Variants in DSCAM observed in about 807,000 individuals in gnomAD.
DSCAM encodes the protein DS cell adhesion molecule, also known as cell adhesion molecule DSCAM.
A neutral mutation model predicts 217.7 loss-of-function variants in DSCAM; 47 were observed. The observed-to-expected ratio is 0.22, with a 90% CI of 0.17 to 0.28. The LOEUF is 0.28. Among genes scored for constraint, DSCAM ranks in the 10% least tolerant of loss-of-function variants. DSCAM has a pLI of 1.00. For synonymous variants in DSCAM, 1,056 were observed against 1,015.3 expected (o/e 1.04, Z -0.76); for missense variants, 2,080 against 2,618.3 (o/e 0.79, Z 4.49).
At chr21:40,730,521 A>C (rs967282125) in intron 1 of DSCAM, among the ~76,000 whole-genome samples, 2 of 152,230 alleles carry the variant, frequency 1.3e-5, no homozygotes, top group African/African-American at 4.8e-5. Context: ...GATAAAAATC[A>C]AATCTTATCT....
chr21:40,376,376 G>C (rs2074950585), intron 3 of DSCAM, among the ~76,000 whole-genome samples: 1 of 149,034 alleles, frequency 6.7e-6, no homozygotes, highest in African/African-American at 2.5e-5. Flanking sequence ...AACTAAAATA[G>C]AAGTGGAAAT....
chr21:40,129,400 C>T lies in DSCAM; in HGVS notation c.3562+4454G>A, dbSNP rs112972698. Among the ~76,000 whole-genome samples, 630 of 152,286 alleles carry T rather than the reference C, an allele frequency of 4.1e-3. 1 individual carries two copies. The highest frequency in any genetic ancestry group is 6.6e-3 in the Non-Finnish European group (447 of 68,032). ...TCATTCTTTAAATGTTTGACTGATCCTTTAACCAAATCATCATGTGGAAAC... is the reference window on the plus strand; with the variant it reads ...TCATTCTTTAAATGTTTGACTGATCTTTTAACCAAATCATCATGTGGAAAC... On this transcript the variant is annotated intron_variant, in intron 19 of 32. Coordinates refer to ENST00000400454, the MANE Select transcript of DSCAM (RefSeq NM_001389.5).
chr21:40,498,679 A>G (rs2076140939), intron 3 of DSCAM, among the ~76,000 whole-genome samples: 1 of 8,798 alleles, frequency 1.1e-4, no homozygotes, highest in Non-Finnish European at 2.2e-4. Flanking sequence ...ATATATATAT[A>G]TATATATATA....
intron 32 of DSCAM, 125 bp downstream of exon 32, chr21:40,042,246 C>T: frequency 1.0e-6 from 1 of 971,598 alleles, no homozygotes; most frequent in Non-Finnish European, 1.5e-6. Flanking sequence ...GTTTGTTATG[C>T]AGCCATCCAT....
At chr21:40,371,103 A>T (rs1378666674) in intron 3 of DSCAM, among the ~76,000 whole-genome samples, 1 of 152,222 alleles carries the variant, frequency 6.6e-6, no homozygotes, top group African/African-American at 2.4e-5. Flanking sequence ...CTTTAAAGTA[A>T]TATCTATATT....
chr21:40,747,035 A>G (rs544280521), intron 1 of DSCAM, among the ~76,000 whole-genome samples: 10 of 152,030 alleles, frequency 6.6e-5, no homozygotes, highest in Non-Finnish European at 1.3e-4. Flanking sequence ...TGCACACAAC[A>G]TACCAAAACC....
chr21:40,817,464 T>C (rs960235599), intron 1 of DSCAM, among the ~76,000 whole-genome samples: 1 of 152,162 alleles, frequency 6.6e-6, no homozygotes, highest in Non-Finnish European at 1.5e-5. Context: ...CAGGATGAAA[T>C]CCCCTGGAAG....
chr21:40,183,415 G>A lies in DSCAM; in HGVS notation c.2779+3716C>T, dbSNP rs981537147. Among the ~76,000 whole-genome samples the A allele has an allele frequency of 1.4e-4, 21 of 152,338 alleles. No homozygotes were observed. In the East Asian group the frequency reaches 4.1e-3, roughly 29 times the overall value. On this transcript the variant is annotated intron_variant, in intron 14 of 32. Coordinates refer to ENST00000400454, the MANE Select transcript of DSCAM (RefSeq NM_001389.5). The stretch of plus-strand genomic sequence containing the variant: ...CAGATAAGGAAGGGACAGCTTCACT[G>A]TGCCTGTGCCCGCTCAGATGACGCC...
chr21:40,734,452 C>T (rs1280898927), intron 1 of DSCAM, among the ~76,000 whole-genome samples: 3 of 152,176 alleles, frequency 2.0e-5, no homozygotes, highest in Non-Finnish European at 4.4e-5. Flanking sequence ...ATTCAAGAGC[C>T]ACCTTGAGAA....
intron 29 of DSCAM, 136 bp from the exon 30 acceptor site, chr21:40,052,243 ATGAT>A: frequency 2.1e-6 from 2 of 947,988 alleles, no homozygotes; most frequent in Non-Finnish European, 3.1e-6. Flanking sequence ...AGTGACAAAA[ATGAT>A]TGAAAATTCA....
intron 3 of DSCAM, among the ~76,000 whole-genome samples, chr21:40,535,266 T>A (rs551163143): frequency 6.6e-6 from 1 of 152,352 alleles, no homozygotes; most frequent in African/African-American, 2.4e-5. Flanking sequence ...AAATGTTCAT[T>A]TTCTCCTTAT....
chr21:40,019,220 A>T (rs993960293), intron 32 of DSCAM, among the ~76,000 whole-genome samples: 2 of 152,232 alleles, frequency 1.3e-5, no homozygotes, highest in Admixed American at 6.5e-5. Flanking sequence ...TGATCCAGAA[A>T]GAGACACATG....
intron 8 of DSCAM, among the ~76,000 whole-genome samples, chr21:40,314,458 C>T (rs982568465): frequency 2.6e-5 from 4 of 152,124 alleles, no homozygotes; most frequent in East Asian, 1.9e-4. Flanking sequence ...AGATTCTATC[C>T]AGTGCTGGTG....
intron 15 of DSCAM, among the ~76,000 whole-genome samples, chr21:40,170,545 G>A (rs1026693434): frequency 2.0e-5 from 3 of 152,154 alleles, no homozygotes; most frequent in African/African-American, 7.2e-5. Context: ...GGAGAGAATG[G>A]CTTCCAGCTA....
chr21:40,082,677 C>G (rs1018308565), intron 24 of DSCAM, among the ~76,000 whole-genome samples: 4 of 145,108 alleles, frequency 2.8e-5, no homozygotes, highest in Non-Finnish European at 6.0e-5. Flanking sequence ...AAAAAAATCA[C>G]CTCACTTTTT....
At chr21:40,347,067 G>A (rs535596363) in intron 6 of DSCAM, among the ~76,000 whole-genome samples, 2 of 152,160 alleles carry the variant, frequency 1.3e-5, no homozygotes, top group South Asian at 2.1e-4. Flanking sequence ...TTGGGGGGCC[G>A]AGGCGGGCAG....
chr21:40,208,452 C>G (rs530348211), intron 11 of DSCAM, among the ~76,000 whole-genome samples: 1 of 152,318 alleles, frequency 6.6e-6, no homozygotes, highest in Admixed American at 6.5e-5. Flanking sequence ...CTGGGCTAAA[C>G]CGGGCCACAA....
At chr21:40,370,385 A>C (rs886322206) in intron 3 of DSCAM, among the ~76,000 whole-genome samples, 1 of 152,148 alleles carries the variant, frequency 6.6e-6, no homozygotes, top group Non-Finnish European at 1.5e-5. Context: ...CACTAGAAAG[A>C]ATGTGATTTT....
chr21:40,736,720 C>A (rs544690596), intron 1 of DSCAM, among the ~76,000 whole-genome samples: 5 of 152,150 alleles, frequency 3.3e-5, no homozygotes, highest in Admixed American at 6.5e-5. Context: ...GGGACAAAGA[C>A]CAAATATCTT....
Sources: gnomAD v4.1 joint callset for allele counts (sites outside exome capture counted in the v4.1 genomes callset) on GRCh38, gnomAD v4.1.1 for gene constraint, MANE v1.5 for transcripts, NCBI Gene and HGNC (gene_info 2026-07-23, HGNC 2026-07-21) for gene names.